The following PARVB variants were observed in gnomAD, a reference collection of about 807,000 sequenced individuals.
The protein encoded by PARVB is beta-parvin.
In PARVB, 46 loss-of-function variants were observed where a neutral mutation model predicts 47.0. The observed-to-expected ratio is 0.98, with a 90% CI of 0.77 to 1.25. The LOEUF (loss-of-function observed/expected upper bound fraction) is 1.25, where lower values mean the gene tolerates loss of function less well. PARVB is among the 50% of genes most tolerant of loss of function. The probability of loss-of-function intolerance (pLI) is 0.00; values close to 1 mark genes in which losing one functional copy is unlikely to be tolerated. For missense variants in PARVB, 473 were observed against 471.6 expected (o/e 1.00, Z -0.03); for synonymous variants, 196 against 196.3 (o/e 1.00, Z 0.01).
At chr22:44,106,321 A>G (rs1233570327) in intron 3 of PARVB, 1 of 151,930 alleles carries the variant, frequency 6.6e-6, no homozygotes, top group African/African-American at 2.4e-5. Context: ...AAACACCTCC[A>G]TCCACATTAC....
intron 2 of PARVB, among the ~76,000 whole-genome samples, chr22:44,095,943 A>G (rs62226437): frequency 0.1 from 15,787 of 152,124 alleles, 860 homozygotes; most frequent in Middle Eastern, 0.18. Flanking sequence ...GAGTGGCCCC[A>G]CCAGGCTCGG....
intron 1 of PARVB, among the ~76,000 whole-genome samples, chr22:44,042,247 C>G (rs975062834): frequency 2.0e-5 from 3 of 152,132 alleles, no homozygotes; most frequent in African/African-American, 4.8e-5. Flanking sequence ...CAAGTGAAAC[C>G]CTGTCTCTAC....
At chr22:44,163,816 A>G in intron 11 of PARVB, 42 bp from the exon 12 acceptor site, 1 of 1,523,940 alleles carries the variant, frequency 6.6e-7, no homozygotes, top group Admixed American at 1.8e-5. Flanking sequence ...TGTGGGAACG[A>G]CTGTTGGACC....
At position 44,157,954 on chromosome 22, in the gene PARVB, C is replaced by G. The variant is rs375705966; in HGVS notation, c.844-28C>G. 31 of 1,560,326 alleles carry G rather than the reference C, an allele frequency of 2.0e-5. 1 individual carries two copies. The South Asian group carries it at 2.7e-4, about 13-fold the overall frequency. On this transcript the variant is annotated intron_variant, in intron 10 of 12. Transcript: ENST00000338758. ...GCATTTGCCAACTCCTTACCCTGCC[C>G]GGAAACATCACAAGTCTTTCTCTGC... is the stretch of plus-strand genomic sequence containing the variant.
chr22:44,127,252 CTT>C (rs133910), intron 4 of PARVB, among the ~76,000 whole-genome samples: 41 of 150,072 alleles, frequency 2.7e-4, no homozygotes, highest in Middle Eastern at 3.4e-3. Flanking sequence ...ATTAAAACCA[CTT>C]TTTTTTTTTG....
intron 1 of PARVB, among the ~76,000 whole-genome samples, chr22:44,026,782 A>G (rs2146882366): frequency 6.7e-6 from 1 of 148,520 alleles, no homozygotes; most frequent in Non-Finnish European, 1.5e-5. Flanking sequence ...TGGATTTGGG[A>G]GAACGGATGT....
intron 3 of PARVB, chr22:44,109,013 C>A (rs920639995): frequency 6.6e-5 from 10 of 152,204 alleles, no homozygotes; most frequent in African/African-American, 1.9e-4. Flanking sequence ...CGTCTCCCCC[C>A]AAGAGCAGGT....
At chr22:43,999,251 C>A in exon 1 of PARVB, 1 of 1,041,682 alleles carries the variant, frequency 9.6e-7, no homozygotes, top group Non-Finnish European at 1.4e-6. Context: ...TCTCCGGCAG[C>A]TCCTTAAACT....
chr22:44,016,654 A>G (rs144078531), intron 2 of PARVB, among the ~76,000 whole-genome samples: 5 of 152,332 alleles, frequency 3.3e-5, no homozygotes, highest in Non-Finnish European at 5.9e-5. Context: ...TTTATGTACA[A>G]GAGATATTAC....
At chr22:44,083,024 C>G (rs1436959721) in intron 1 of PARVB, among the ~76,000 whole-genome samples, 2 of 152,202 alleles carry the variant, frequency 1.3e-5, no homozygotes, top group East Asian at 3.9e-4. Context: ...GATGTTGGCT[C>G]CTGGGCTGCT....
Position 44,062,347 on chromosome 22 carries a change from T to C in PARVB, c.113-31581T>C, listed in dbSNP as rs183846722. 1.2e-3 allele frequency among the ~76,000 whole-genome samples: 184 copies of C among 152,178 alleles called. 1 individual carries two copies. Among genetic ancestry groups the C allele is most frequent in the Non-Finnish European group, 1.6e-3 (110 of 67,992 alleles). Reference sequence around the variant, plus strand: ...TGATTAATTTGCTGGGACTCAGAACTTGGAAATGGGCCAGGCACGGTGGCT... The same window carrying C: ...TGATTAATTTGCTGGGACTCAGAACCTGGAAATGGGCCAGGCACGGTGGCT... On this transcript the variant is annotated intron_variant, in intron 1 of 12. Transcript: ENST00000338758.
upstream of PARVB, among the ~76,000 whole-genome samples, chr22:44,023,742 A>C (rs971702075): frequency 6.6e-6 from 1 of 151,712 alleles, no homozygotes; most frequent in African/African-American, 2.4e-5. Flanking sequence ...ACCTCATGGT[A>C]CCGGCCTGCA....
At position 44,047,471 on chromosome 22, in the gene PARVB, G is replaced by A. The variant is rs187829661; in HGVS notation, c.112+23020G>A. On this transcript the variant is annotated intron_variant, in intron 1 of 12. Transcript: ENST00000338758. ...AGGTCAGGAGTTGGAGGCCAGGCTG[G>A]TCAACATGGCGAAACCCCATCTCTA... is the stretch of plus-strand genomic sequence containing the variant. Among the ~76,000 whole-genome samples, 3 of 152,222 alleles carry A rather than the reference G, an allele frequency of 2.0e-5. No homozygotes were observed. In the East Asian group the frequency reaches 5.8e-4, roughly 30 times the overall value.
intron 1 of PARVB, among the ~76,000 whole-genome samples, chr22:44,081,034 C>T (rs530067641): frequency 6.6e-6 from 1 of 152,310 alleles, no homozygotes; most frequent in South Asian, 2.1e-4. Context: ...TCCCTCCATC[C>T]CTTGTTTGGG....
At chr22:44,119,885 C>G in intron 4 of PARVB, 1 of 527,276 alleles carries the variant, frequency 1.9e-6, no homozygotes, top group Non-Finnish European at 3.9e-6. Context: ...GGCCTTGCAG[C>G]TCATATGGAA....
intron 1 of PARVB, among the ~76,000 whole-genome samples, chr22:44,077,467 G>C (rs2051802369): frequency 6.6e-6 from 1 of 152,174 alleles, no homozygotes; most frequent in East Asian, 1.9e-4. Context: ...GGTGTTGGGG[G>C]CCAGACTCCA....
chr22:44,005,596 G>C (rs1273843228), intron 2 of PARVB, among the ~76,000 whole-genome samples: 2 of 151,986 alleles, frequency 1.3e-5, no homozygotes, highest in African/African-American at 4.8e-5. Flanking sequence ...GATTTGCACT[G>C]ATTTCCTAGA....
chr22:44,020,617 T>G (rs1223271590), upstream of PARVB, among the ~76,000 whole-genome samples: 1 of 152,176 alleles, frequency 6.6e-6, no homozygotes, highest in Non-Finnish European at 1.5e-5. Context: ...TGACATTTTC[T>G]GGATGATTAC....
intron 11 of PARVB, chr22:44,162,946 C>T (rs2147182281): frequency 6.6e-6 from 1 of 152,346 alleles, no homozygotes; most frequent in African/African-American, 2.4e-5. Flanking sequence ...TCTAACAGGA[C>T]CAAGGTCCTG....
Sources: gnomAD v4.1 joint callset for allele counts (sites outside exome capture counted in the v4.1 genomes callset) on GRCh38, gnomAD v4.1.1 for gene constraint, MANE v1.5 for transcripts, NCBI Gene and HGNC (gene_info 2026-07-23, HGNC 2026-07-21) for gene names.